MVB12B: variants seen among roughly 807,000 people sequenced by gnomAD.
MVB12B encodes the protein multivesicular body subunit 12B, also known as ESCRT-I complex subunit MVB12B.
MVB12B carries 16 observed loss-of-function variants against 41.6 expected under a neutral mutation model. That is an observed-to-expected ratio of 0.38 (90% CI 0.26 to 0.58). MVB12B has a LOEUF of 0.58. MVB12B is among the 20% of genes least tolerant of loss of function. The pLI is 0.62. For missense variants in MVB12B, 274 were observed against 380.2 expected, an observed-to-expected ratio of 0.72 and a Z score of 2.32; for synonymous variants, 133 against 139.7, an observed-to-expected ratio of 0.95 and a Z score of 0.34.
chr9:126,442,617 C>T (rs554256097), intron 7 of MVB12B, among the ~76,000 whole-genome samples: 3 of 152,192 alleles, frequency 2.0e-5, no homozygotes, highest in African/African-American at 7.2e-5. Flanking sequence ...ATTTGGTGAC[C>T]GTGGATTGGC....
chr9:126,483,808 C>T (rs957347504), intron 8 of MVB12B, among the ~76,000 whole-genome samples, 165 bp from the exon 9 acceptor site: 4 of 152,174 alleles, frequency 2.6e-5, no homozygotes, highest in African/African-American at 9.7e-5. Context: ...TCCTGCCACC[C>T]CCACGCGTGA....
intron 6 of MVB12B, among the ~76,000 whole-genome samples, chr9:126,407,825 A>G (rs1831491285): frequency 1.3e-5 from 2 of 152,214 alleles, no homozygotes; most frequent in African/African-American, 4.8e-5. Context: ...AAAAAAAAGA[A>G]AGAAAGATTT....
chr9:126,343,850 G>C (rs1453881240), intron 2 of MVB12B, among the ~76,000 whole-genome samples: 1 of 152,166 alleles, frequency 6.6e-6, no homozygotes, highest in African/African-American at 2.4e-5. Flanking sequence ...CCAGAAGGCA[G>C]AGGTTGCAGT....
In MVB12B at chr9:126,392,704, G is replaced by A. The variant is rs1211205265; in HGVS notation, c.539+509G>A. Among the ~76,000 whole-genome samples, 2 of 152,234 alleles carry A rather than the reference G, an allele frequency of 1.3e-5. No individual in the cohort carries two copies. Among genetic ancestry groups the A allele is most frequent in the Non-Finnish European group, 2.9e-5 (2 of 68,046 alleles). ...ATGATGGAGTGGGGGCCTCTTCCGT[G>A]AGGGGGTCAGGAAGGTGACACTTGA... On this transcript the variant is annotated intron_variant, in intron 5 of 9. Coordinates refer to ENST00000361171, the MANE Select transcript of MVB12B (RefSeq NM_033446.3). This position sits in a 1 kb window ranked among gnomAD's most constrained non-coding sequence, Gnocchi z 4.8.
intron 9 of MVB12B, among the ~76,000 whole-genome samples, chr9:126,494,849 A>G (rs1287947673): frequency 6.6e-6 from 1 of 151,448 alleles, no homozygotes; most frequent in Non-Finnish European, 1.5e-5. Flanking sequence ...ATGCTGACTC[A>G]GTGACCAGGG....
At chr9:126,492,522 T>C (rs1372294473) in intron 9 of MVB12B, among the ~76,000 whole-genome samples, 3 of 152,156 alleles carry the variant, frequency 2.0e-5, no homozygotes. Flanking sequence ...GGGACCTTAA[T>C]GTGCCCCTCC....
In MVB12B at chr9:126,386,521, G is replaced by A. The variant is rs764861469; in HGVS notation, c.313-41G>A. The A allele has an allele frequency of 1.3e-6, 2 of 1,512,074 alleles. No individual in the cohort carries two copies. Among genetic ancestry groups the A allele is most frequent in the Non-Finnish European group, 9.2e-7 (1 of 1,088,306 alleles). The allele number at this position is 1,512,074 out of a possible 1,614,324, so 93.7% of individuals were successfully genotyped here. On this transcript the variant is annotated intron_variant, in intron 3 of 9. Transcript: ENST00000361171. The surrounding 1 kb of genome is among the most constrained non-coding windows in gnomAD (Gnocchi z 4.3). ...AAAATGGCAAACCCACCACATGCATGTTCAGATTAATAGTCTGTATCTCTT... is the reference window on the plus strand; with the variant it reads ...AAAATGGCAAACCCACCACATGCATATTCAGATTAATAGTCTGTATCTCTT...
chr9:126,397,271 TTC>T (rs1378405820), intron 6 of MVB12B: 3 of 985,370 alleles, frequency 3.0e-6, no homozygotes, highest in Non-Finnish European at 3.6e-6. Context: ...AGAACACCAG[TTC>T]TCTCAGATAA....
At chr9:126,452,018 G>A (rs1832897744) in intron 7 of MVB12B, among the ~76,000 whole-genome samples, 1 of 152,208 alleles carries the variant, frequency 6.6e-6, no homozygotes, top group African/African-American at 2.4e-5. Flanking sequence ...TTATGTGCAA[G>A]TTGAACCGTA....
At position 126,486,370 on chromosome 9, in the gene MVB12B, G is replaced by T. The variant is rs1232635328; in HGVS notation, c.873+2338G>T. 6.6e-6 allele frequency among the ~76,000 whole-genome samples: 1 copy of T among 152,150 alleles called. No homozygotes were observed. The highest frequency in any genetic ancestry group is 1.5e-5 in the Non-Finnish European group (1 of 68,030). The stretch of plus-strand genomic sequence containing the variant: ...GGTGCAGCCCAGGGTATGTGAGGAA[G>T]GCCTCAGAGGAGCTGCTGCTGCCAC... On this transcript the variant is annotated intron_variant, in intron 9 of 9. Transcript: ENST00000361171. The surrounding 1 kb of genome is among the most constrained non-coding windows in gnomAD (Gnocchi z 4.7).
In MVB12B at chr9:126,376,434, T is replaced by C; in HGVS notation, c.205-4630T>C. ...GTGCCTGGTGACCCTTTGTTGTGGG[T>C]TGGGATTTAAGATGGAGGCACCAGC... On this transcript the variant is annotated intron_variant, in intron 2 of 9. Coordinates refer to ENST00000361171, the MANE Select transcript of MVB12B (RefSeq NM_033446.3). This position sits in a 1 kb window ranked among gnomAD's most constrained non-coding sequence, Gnocchi z 4.1. 1.8e-6 allele frequency: 2 copies of C among 1,122,270 alleles called. No homozygotes were observed. Among genetic ancestry groups the C allele is most frequent in the Non-Finnish European group, 2.4e-6 (2 of 837,608 alleles). 69.5% of individuals were successfully genotyped at this position (1,122,270 alleles called of 1,614,324 possible). A position where few individuals can be genotyped will look rare whatever the true frequency, so the allele number is the denominator to read the frequency against.
In MVB12B at chr9:126,486,028, T is replaced by G. The variant is rs1260702200; in HGVS notation, c.873+1996T>G. Among the ~76,000 whole-genome samples, 3 of 152,146 alleles carry G rather than the reference T, an allele frequency of 2.0e-5. No individual in the cohort carries two copies. Among genetic ancestry groups the G allele is most frequent in the African/African-American group, 7.2e-5 (3 of 41,428 alleles). ...ACCCAGCTAGCAGAAGCCGGCTGCA[T>G]TATTGAAAGATGGCTGAAATCAAGC... is the stretch of plus-strand genomic sequence containing the variant. On this transcript the variant is annotated intron_variant, in intron 9 of 9. Coordinates refer to ENST00000361171, the MANE Select transcript of MVB12B (RefSeq NM_033446.3). The surrounding 1 kb of genome is among the most constrained non-coding windows in gnomAD (Gnocchi z 4.7).
intron 7 of MVB12B, among the ~76,000 whole-genome samples, chr9:126,446,938 C>CTTTTTTTT (rs33991689): frequency 9.6e-5 from 10 of 104,318 alleles, no homozygotes; most frequent in Non-Finnish European, 1.1e-4. Context: ...TTTTAACTTT[C>CTTTTTTTT]TTTTTTTTTT....
intron 6 of MVB12B, among the ~76,000 whole-genome samples, chr9:126,417,501 T>C (rs1330437019): frequency 6.6e-6 from 1 of 152,176 alleles, no homozygotes; most frequent in Non-Finnish European, 1.5e-5. Flanking sequence ...CAGAGACCCC[T>C]GGAGCCTAAT....
intron 7 of MVB12B, among the ~76,000 whole-genome samples, chr9:126,456,907 C>G (rs995705227): frequency 1.3e-5 from 2 of 152,338 alleles, no homozygotes; most frequent in East Asian, 1.9e-4. Context: ...AACCTCCTTT[C>G]CTCTTGGGAG....
chr9:126,353,205 C>G (rs1167172918), intron 2 of MVB12B, among the ~76,000 whole-genome samples: 3 of 152,224 alleles, frequency 2.0e-5, no homozygotes, highest in African/African-American at 7.2e-5. Flanking sequence ...TCCAGGGAAT[C>G]TGTCAGCTCA....
At chr9:126,343,875 C>T (rs932529733) in intron 2 of MVB12B, among the ~76,000 whole-genome samples, 1 of 152,180 alleles carries the variant, frequency 6.6e-6, no homozygotes, top group Non-Finnish European at 1.5e-5. Flanking sequence ...CGAGACTGCG[C>T]CACTGCGCTC....
chr9:126,482,797 G>T (rs927477608), intron 8 of MVB12B, among the ~76,000 whole-genome samples: 6 of 152,226 alleles, frequency 3.9e-5, no homozygotes, highest in Non-Finnish European at 2.9e-5. Context: ...CTGCTGCCGG[G>T]CGCTGCCACC....
chr9:126,443,648 A>T (rs1183555866), intron 7 of MVB12B, among the ~76,000 whole-genome samples: 1 of 152,224 alleles, frequency 6.6e-6, no homozygotes, highest in African/African-American at 2.4e-5. Flanking sequence ...CACTTTTTCT[A>T]TGCCATATGT....
Sources: allele counts gnomAD v4.1 joint callset (sites outside exome capture counted in the v4.1 genomes callset), GRCh38; gene constraint gnomAD v4.1.1; non-coding constraint Gnocchi (gnomAD v3.1); transcripts MANE v1.5; gene names NCBI Gene and HGNC (gene_info 2026-07-23, HGNC 2026-07-21).